Variants in PTK2 observed in about 807,000 individuals in gnomAD.
PTK2 encodes focal adhesion kinase 1.
Under a neutral mutation model 150.1 loss-of-function variants are expected in PTK2, and 45 were observed. That is an observed-to-expected ratio of 0.30 (90% CI 0.24 to 0.38). The LOEUF (loss-of-function observed/expected upper bound fraction) is 0.38, where lower values mean the gene tolerates loss of function less well. Ranked by LOEUF, PTK2 falls within the 10% of genes least tolerant of loss-of-function variation. The probability of loss-of-function intolerance (pLI) is 1.00; values close to 1 mark genes in which losing one functional copy is unlikely to be tolerated. For missense variants in PTK2, 919 were observed against 1,307.3 expected (o/e 0.70, Z 4.58); for synonymous variants, 432 against 449.2 (o/e 0.96, Z 0.48).
intron 1 of PTK2, among the ~76,000 whole-genome samples, chr8:140,956,300 A>G (rs1233326264): frequency 6.6e-6 from 1 of 152,210 alleles, no homozygotes; most frequent in Non-Finnish European, 1.5e-5. Flanking sequence ...CTGTAACACA[A>G]AAGACAGAGA....
intron 3 of PTK2, 77 bp downstream of exon 3, chr8:140,890,466 A>G: frequency 8.3e-7 from 1 of 1,207,204 alleles, no homozygotes; most frequent in Non-Finnish European, 1.2e-6. Context: ...AAATTATTAC[A>G]CTATCTTTTT....
intron 26 of PTK2, among the ~76,000 whole-genome samples, chr8:140,698,601 G>C (rs1375480317): frequency 6.6e-6 from 1 of 151,952 alleles, no homozygotes; most frequent in Non-Finnish European, 1.5e-5. Context: ...CTACAGGTGT[G>C]TGCCACCATG....
At chr8:140,756,376 G>C (rs1017504846) in intron 16 of PTK2, among the ~76,000 whole-genome samples, 10 of 151,426 alleles carry the variant, frequency 6.6e-5, no homozygotes, top group Non-Finnish European at 4.4e-5. Flanking sequence ...CTTGGGGACT[G>C]GAATTCATTC....
At chr8:140,941,489 G>A (rs996663983) in intron 1 of PTK2, among the ~76,000 whole-genome samples, 5 of 152,152 alleles carry the variant, frequency 3.3e-5, no homozygotes, top group Admixed American at 2.0e-4. Context: ...GATTCTATTA[G>A]TGCCACACAT....
chr8:140,995,225 T>C (rs2100197177), intron 1 of PTK2, among the ~76,000 whole-genome samples: 1 of 149,224 alleles, frequency 6.7e-6, no homozygotes, highest in South Asian at 2.1e-4. Context: ...CAACTAAAAA[T>C]ACAAAAAATT....
intron 10 of PTK2, among the ~76,000 whole-genome samples, chr8:140,811,105 T>TC (rs1315786832): frequency 5.9e-5 from 9 of 152,184 alleles, no homozygotes; most frequent in African/African-American, 1.9e-4. Flanking sequence ...CAAGGGCGGA[T>TC]CCTATGCCAC....
At chr8:140,797,079 C>T (rs1389916842) in intron 12 of PTK2, among the ~76,000 whole-genome samples, 2 of 152,144 alleles carry the variant, frequency 1.3e-5, no homozygotes, top group African/African-American at 4.8e-5. Context: ...GACAAATGGG[C>T]AGAGTACTCC....
intron 16 of PTK2, among the ~76,000 whole-genome samples, chr8:140,753,723 T>C (rs1193022649): frequency 6.6e-6 from 1 of 152,238 alleles, no homozygotes; most frequent in Non-Finnish European, 1.5e-5. Flanking sequence ...ATTATAATTA[T>C]ACATAACACA....
At chr8:140,894,638 C>T (rs946510327) in intron 2 of PTK2, among the ~76,000 whole-genome samples, 11 of 152,220 alleles carry the variant, frequency 7.2e-5, no homozygotes, top group Admixed American at 4.6e-4. Flanking sequence ...GTGCAAATCA[C>T]GGCCACAGTA....
chr8:140,678,388 C>A (rs927708326), intron 27 of PTK2, among the ~76,000 whole-genome samples: 2 of 151,902 alleles, frequency 1.3e-5, no homozygotes, highest in African/African-American at 4.8e-5. Flanking sequence ...ACTCTGTCAC[C>A]TGGGCTGCAG....
intron 1 of PTK2, among the ~76,000 whole-genome samples, chr8:140,961,778 T>C (rs1256414236): frequency 2.0e-5 from 3 of 152,058 alleles, no homozygotes; most frequent in East Asian, 3.9e-4. Flanking sequence ...TAAAAGGCAA[T>C]GATTTAAGCC....
chr8:140,717,876 A>G, intron 22 of PTK2, 167 bp from the exon 26 acceptor site: 1 of 543,744 alleles, frequency 1.8e-6, no homozygotes, highest in Non-Finnish European at 3.3e-6. Flanking sequence ...CTCTCCACGA[A>G]ATGATTCTAG....
At chr8:140,891,107 T>C (rs1217770275) in intron 2 of PTK2, among the ~76,000 whole-genome samples, 2 of 132,928 alleles carry the variant, frequency 1.5e-5, no homozygotes, top group East Asian at 2.7e-4. Context: ...GAAAATCTCA[T>C]AGCAAAGCCA....
intron 24 of PTK2, among the ~76,000 whole-genome samples, chr8:140,703,200 T>C (rs1045623187): frequency 7.2e-5 from 11 of 151,892 alleles, no homozygotes; most frequent in Non-Finnish European, 1.5e-4. Context: ...GAGGCGGAGC[T>C]TGCAGTGAGC....
chr8:140,816,845 A>G (rs1401838303), intron 10 of PTK2, among the ~76,000 whole-genome samples: 1 of 152,246 alleles, frequency 6.6e-6, no homozygotes, highest in Non-Finnish European at 1.5e-5. Flanking sequence ...ACACACTGCC[A>G]GTGACAATAT....
intron 1 of PTK2, among the ~76,000 whole-genome samples, chr8:140,980,917 ATTTTTTT>A (rs750098819): frequency 7.4e-6 from 1 of 135,780 alleles, no homozygotes; most frequent in African/African-American, 2.7e-5. Context: ...TGGCCAGCTA[ATTTTTTT>A]TTTTTTTTTG....
At chr8:140,848,705 A>G (rs2100127213) in intron 5 of PTK2, among the ~76,000 whole-genome samples, 1 of 152,182 alleles carries the variant, frequency 6.6e-6, no homozygotes, top group South Asian at 2.1e-4. Context: ...ATAAGTCTCA[A>G]TTTAAAACCT....
At chr8:140,714,483 GAAGA>G (rs1221767629) in intron 23 of PTK2, among the ~76,000 whole-genome samples, 1 of 150,106 alleles carries the variant, frequency 6.7e-6, no homozygotes, top group Non-Finnish European at 1.5e-5. Flanking sequence ...AGGAAGGAAG[GAAGA>G]AATAAAAAAA....
At chr8:140,840,543 G>C (rs957363047) in intron 7 of PTK2, among the ~76,000 whole-genome samples, 4 of 152,186 alleles carry the variant, frequency 2.6e-5, no homozygotes, top group Non-Finnish European at 5.9e-5. Context: ...TATTGTTTAA[G>C]AGAGGGTTAG....
Sources: gnomAD v4.1 joint callset for allele counts (sites outside exome capture counted in the v4.1 genomes callset) on GRCh38, gnomAD v4.1.1 for gene constraint, MANE v1.5 for transcripts, NCBI Gene and HGNC (gene_info 2026-07-23, HGNC 2026-07-21) for gene names.